Variants in PLEKHA6 observed in about 807,000 individuals in gnomAD.
PLEKHA6 encodes the protein pleckstrin homology domain containing A6.
Under a neutral mutation model 116.7 loss-of-function variants are expected in PLEKHA6, and 60 were observed. That is an observed-to-expected ratio of 0.51 (90% CI 0.42 to 0.64). The LOEUF (loss-of-function observed/expected upper bound fraction) is 0.64, where lower values mean the gene tolerates loss of function less well. Among genes scored for constraint, PLEKHA6 ranks in the 30% least tolerant of loss-of-function variants. The pLI, the probability that PLEKHA6 is intolerant of heterozygous loss-of-function variation, is 0.00. For synonymous variants in PLEKHA6, 489 were observed against 556.1 expected, an observed-to-expected ratio of 0.88 and a Z score of 1.70; for missense variants, 1,338 against 1,422.7, an observed-to-expected ratio of 0.94 and a Z score of 0.96.
At chr1:204,285,228 A>C (rs962390723) in intron 1 of PLEKHA6, among the ~76,000 whole-genome samples, 4 of 152,220 alleles carry the variant, frequency 2.6e-5, no homozygotes, top group Admixed American at 1.3e-4. Flanking sequence ...AATTCTATGA[A>C]ATGCAATTCT....
At chr1:204,348,937 A>G (rs934426248) in intron 1 of PLEKHA6, among the ~76,000 whole-genome samples, 1 of 152,184 alleles carries the variant, frequency 6.6e-6, no homozygotes, top group Non-Finnish European at 1.5e-5. Flanking sequence ...CTGCCCTCAC[A>G]GTGAGGTCCA....
rs61156938 is a variant in PLEKHA6 at position 204,234,954 on chromosome 1, TTATATATATATATATATATA to T, written c.2410-4388_2410-4369del. Among the ~76,000 whole-genome samples the T allele has an allele frequency of 9.9e-3, 184 of 18,668 alleles. 1 individual carries two copies. Among genetic ancestry groups the T allele is most frequent in the Admixed American group, 0.014 (19 of 1,370 alleles). The allele number at this position is 18,668 out of a possible 152,430, so 12.2% of individuals were successfully genotyped here. ...AAGTTAATACTTAATAAACTGCCCT[TTATATATATATATATATATA>T]TATATATATATATATATATATATAT... On this transcript the variant is annotated intron_variant, in intron 17 of 22. Coordinates refer to ENST00000272203, the MANE Select transcript of PLEKHA6 (RefSeq NM_014935.5).
intron 1 of PLEKHA6, among the ~76,000 whole-genome samples, chr1:204,306,973 T>C (rs993541987): frequency 2.0e-5 from 3 of 152,104 alleles, no homozygotes; most frequent in African/African-American, 4.8e-5. Flanking sequence ...AGGGAGAAAA[T>C]AGTCACCTTC....
intron 1 of PLEKHA6, among the ~76,000 whole-genome samples, chr1:204,292,560 G>A (rs1669881382): frequency 6.6e-6 from 1 of 151,502 alleles, no homozygotes. Context: ...CCTGGCTGAT[G>A]CCCACCTGTG....
chr1:204,267,488 G>C lies in PLEKHA6; in HGVS notation c.267C>G (p.Leu89=). The change falls in exon 5 of 23, where the codon CTC becomes CTG. Residue 89 remains leucine, a synonymous_variant. Coordinates refer to ENST00000272203, the MANE Select transcript of PLEKHA6 (RefSeq NM_014935.5). Reference sequence around the variant, plus strand: ...GGCCAAGCTCACCTTTATAGTAGAAGAGGCAGCGATCCACCAGGACGAACC... The same window carrying C: ...GGCCAAGCTCACCTTTATAGTAGAACAGGCAGCGATCCACCAGGACGAACC... ...KRWFVLVDRC[L]FYYKDEKEES... is the part of the protein sequence containing the mutation. 1.2e-6 allele frequency: 2 copies of C among 1,613,996 alleles called. No homozygotes were observed. The highest frequency in any genetic ancestry group is 1.7e-6 in the Non-Finnish European group (2 of 1,179,952).
At chr1:204,313,612 A>G in intron 1 of PLEKHA6, 3 of 984,994 alleles carry the variant, frequency 3.0e-6, no homozygotes, top group Non-Finnish European at 3.6e-6. Context: ...GGCAGTCTAT[A>G]TTCCATATTA....
chr1:204,366,408 C>CAAAAGA (rs1399502489), intron 3 of PLEKHA6, among the ~76,000 whole-genome samples: 4 of 151,452 alleles, frequency 2.6e-5, no homozygotes, highest in African/African-American at 7.3e-5. Flanking sequence ...GGAGGAGGAA[C>CAAAAGA]AAAAGAAAAA....
In PLEKHA6 at chr1:204,359,704, G is replaced by T; in HGVS notation, c.-105C>A. ...TGAAAACAGACTCACCGGCTTCTGA[G>T]GTGTGATCCCCGCGCTGGAAAGCTC... On this transcript the variant is annotated 5_prime_UTR_variant, in exon 1 of 23. Transcript: ENST00000272203. 1.0e-6 allele frequency: 1 copy of T among 977,844 alleles called. No homozygotes were observed. Among genetic ancestry groups the T allele is most frequent in the Non-Finnish European group, 1.2e-6 (1 of 823,040 alleles). The allele number at this position is 977,844 out of a possible 1,614,324, so 60.6% of individuals were successfully genotyped here. A position where few individuals can be genotyped will look rare whatever the true frequency, so the allele number is the denominator to read the frequency against.
At chr1:204,355,545 T>G (rs1673389009) in intron 1 of PLEKHA6, among the ~76,000 whole-genome samples, 1 of 152,184 alleles carries the variant, frequency 6.6e-6, no homozygotes, top group Non-Finnish European at 1.5e-5. Context: ...GTTCAATGGA[T>G]TCTCCTGCCT....
chr1:204,318,885 T>C (rs1164103088), intron 1 of PLEKHA6, among the ~76,000 whole-genome samples: 2 of 152,224 alleles, frequency 1.3e-5, no homozygotes, highest in African/African-American at 2.4e-5. Context: ...GAATATTCTC[T>C]GACTTGCCAG....
At chr1:204,280,326 G>C (rs949011589) in intron 1 of PLEKHA6, 3 of 985,220 alleles carry the variant, frequency 3.0e-6, no homozygotes, top group Non-Finnish European at 3.6e-6. Flanking sequence ...CAAGTTTCAC[G>C]ATCTTTTGCA....
chr1:204,341,725 A>C (rs1672853007), intron 1 of PLEKHA6, among the ~76,000 whole-genome samples: 1 of 152,206 alleles, frequency 6.6e-6, no homozygotes, highest in Non-Finnish European at 1.5e-5. Flanking sequence ...GATTCCATAT[A>C]CTGGAATCAT....
chr1:204,327,547 C>T (rs963357307), intron 1 of PLEKHA6, among the ~76,000 whole-genome samples: 20 of 152,268 alleles, frequency 1.3e-4, no homozygotes, highest in African/African-American at 4.6e-4. Context: ...TTGATTGGCA[C>T]CTTGCAAGCA....
chr1:204,285,539 G>A (rs949390666), intron 1 of PLEKHA6, among the ~76,000 whole-genome samples: 18 of 151,374 alleles, frequency 1.2e-4, no homozygotes, highest in Non-Finnish European at 2.5e-4. Flanking sequence ...TCAGTAGTGC[G>A]ATTTTGGCTC....
In PLEKHA6 at chr1:204,228,297, C is replaced by A. The variant is rs577651510; in HGVS notation, c.2886-69G>T. ...GGTCCAAGTGGCTTGAGGGGGCCTG[C>A]GGACTGAGGTTGGCAGGGAGGGCCA... is the stretch of plus-strand genomic sequence containing the variant. On this transcript the variant is annotated intron_variant, in intron 20 of 22. Coordinates refer to ENST00000272203, the MANE Select transcript of PLEKHA6 (RefSeq NM_014935.5). The surrounding 1 kb of genome is among the most constrained non-coding windows in gnomAD (Gnocchi z 4.0). 14 of 1,473,768 alleles carry A rather than the reference C, an allele frequency of 9.5e-6. No homozygotes were observed. The highest frequency in any genetic ancestry group is 2.3e-5 in the East Asian group (1 of 43,238). The allele number at this position is 1,473,768 out of a possible 1,614,324, so 91.3% of individuals were successfully genotyped here.
intron 1 of PLEKHA6, among the ~76,000 whole-genome samples, chr1:204,311,187 A>G (rs1047059191): frequency 6.6e-6 from 1 of 152,222 alleles, no homozygotes; most frequent in Admixed American, 6.5e-5. Flanking sequence ...AGCCTGCTCC[A>G]TTGTTGAAGA....
At chr1:204,309,263 G>A (rs1572160085) in intron 1 of PLEKHA6, among the ~76,000 whole-genome samples, 1 of 152,260 alleles carries the variant, frequency 6.6e-6, no homozygotes, top group East Asian at 1.9e-4. Context: ...CACCTACTGA[G>A]CATTTTCCTG....
At chr1:204,325,637 T>C (rs1317061916) in intron 1 of PLEKHA6, among the ~76,000 whole-genome samples, 1 of 152,162 alleles carries the variant, frequency 6.6e-6, no homozygotes, top group Non-Finnish European at 1.5e-5. Flanking sequence ...TTGGTTCCTC[T>C]ATAAGATCTG....
chr1:204,239,816 C>A lies in PLEKHA6; in HGVS notation c.2409+1559G>T, dbSNP rs752302175. Among the ~76,000 whole-genome samples, 81 of 152,084 alleles carry A rather than the reference C, an allele frequency of 5.3e-4. 1 individual carries two copies. Among genetic ancestry groups the A allele is most frequent in the Admixed American group, 4.9e-3 (75 of 15,274 alleles). Reference sequence around the variant, plus strand: ...CATCCAATATATGGTACTTTTTCTCCCATAGCCAGGATTTACGGGTCCAGG... The same window carrying A: ...CATCCAATATATGGTACTTTTTCTCACATAGCCAGGATTTACGGGTCCAGG... On this transcript the variant is annotated intron_variant, in intron 17 of 22. Coordinates refer to ENST00000272203, the MANE Select transcript of PLEKHA6 (RefSeq NM_014935.5).
Sources: allele counts gnomAD v4.1 joint callset (sites outside exome capture counted in the v4.1 genomes callset), GRCh38; gene constraint gnomAD v4.1.1; non-coding constraint Gnocchi (gnomAD v3.1); transcripts MANE v1.5; gene names NCBI Gene and HGNC (gene_info 2026-07-23, HGNC 2026-07-21).